EBF4: variants seen among roughly 807,000 people sequenced by gnomAD.
EBF4 encodes the protein transcription factor COE4.
EBF4 carries 34 observed loss-of-function variants against 67.1 expected under a neutral mutation model. That is an observed-to-expected ratio of 0.51 (90% CI 0.39 to 0.67). The LOEUF is 0.67. Among genes scored for constraint, EBF4 ranks in the 30% least tolerant of loss-of-function variants. The probability of loss-of-function intolerance (pLI) is 0.00; values close to 1 mark genes in which losing one functional copy is unlikely to be tolerated. For synonymous variants in EBF4, 387 were observed against 377.7 expected (o/e 1.02, Z -0.29); for missense variants, 837 against 873.3 (o/e 0.96, Z 0.52).
chr20:2,748,360 T>G (rs945262830), intron 6 of EBF4, among the ~76,000 whole-genome samples, 189 bp from the exon 7 acceptor site: 2 of 152,114 alleles, frequency 1.3e-5, no homozygotes, highest in African/African-American at 4.8e-5. Context: ...GTCATTGTGA[T>G]GGGTCTGTCT....
At position 2,751,541 on chromosome 20, in the gene EBF4, G is replaced by T. The variant is rs1600243965; in HGVS notation, c.1019-159G>T. The T allele has an allele frequency of 3.0e-6, 2 of 661,926 alleles. No homozygotes were observed. Among genetic ancestry groups the T allele is most frequent in the Admixed American group, 2.9e-5 (1 of 34,716 alleles). The allele number at this position is 661,926 out of a possible 1,614,324, so 41.0% of individuals were successfully genotyped here. On this transcript the variant is annotated intron_variant, in intron 10 of 16. Coordinates refer to ENST00000609451, the Ensembl canonical transcript of EBF4. The surrounding 1 kb of genome is among the most constrained non-coding windows in gnomAD (Gnocchi z 5.2). ...ACTTCCCTGAATCTCGCTGCCGGGG[G>T]TGCCTGGAGTTTTCCGGGGGACTTG...
At chr20:2,724,748 T>C (rs2087726843) in intron 6 of EBF4, among the ~76,000 whole-genome samples, 2 of 151,920 alleles carry the variant, frequency 1.3e-5, no homozygotes. Flanking sequence ...CTACAAAAAT[T>C]AAAAAATTAG....
At chr20:2,736,707 C>G (rs796894907) in intron 6 of EBF4, among the ~76,000 whole-genome samples, 6 of 152,312 alleles carry the variant, frequency 3.9e-5, no homozygotes, top group African/African-American at 1.2e-4. Context: ...CCCATTCCCC[C>G]CAACCCCCAC....
chr20:2,704,542 C>T (rs2146380289), intron 1 of EBF4, among the ~76,000 whole-genome samples: 1 of 152,338 alleles, frequency 6.6e-6, no homozygotes, highest in Middle Eastern at 3.4e-3. Context: ...CCAGCCATTC[C>T]TTGTGCTGTT....
Position 2,706,200 on chromosome 20 carries a change from C to G in EBF4, c.359-9C>G. The G allele has an allele frequency of 6.4e-7, 1 of 1,552,136 alleles. No homozygotes were observed. Among genetic ancestry groups the G allele is most frequent in the Non-Finnish European group, 8.7e-7 (1 of 1,147,092 alleles). ...CCAGCAGCAAGCCCTCTCCATCTTC[C>G]CATCCTAGGACTGCGGACAGAGCAA... is the stretch of plus-strand genomic sequence containing the variant. On this transcript the variant is annotated splice_polypyrimidine_tract_variant and intron_variant, in intron 3 of 16. Coordinates refer to ENST00000609451, the Ensembl canonical transcript of EBF4.
Position 2,755,909 on chromosome 20 carries a change from T to C in EBF4, c.1738+85T>C, listed in dbSNP as rs1396071490. ...GCTACAGGGGCCTGCTCTGTCCACA[T>C]CTCACCAGTGCCTCATGCTGGCTAA... is the stretch of plus-strand genomic sequence containing the variant. On this transcript the variant is annotated intron_variant, in intron 15 of 16. Transcript: ENST00000609451. The surrounding 1 kb of genome is among the most constrained non-coding windows in gnomAD (Gnocchi z 4.7). The C allele has an allele frequency of 7.8e-7, 1 of 1,283,776 alleles. No individual in the cohort carries two copies. Among genetic ancestry groups the C allele is most frequent in the Non-Finnish European group, 1.1e-6 (1 of 943,528 alleles). 79.5% of individuals were successfully genotyped at this position (1,283,776 alleles called of 1,614,324 possible).
At chr20:2,737,705 T>C (rs2087908435) in intron 6 of EBF4, among the ~76,000 whole-genome samples, 1 of 151,722 alleles carries the variant, frequency 6.6e-6, no homozygotes, top group South Asian at 2.1e-4. Flanking sequence ...GCGCAGTGGC[T>C]CACACCTGTA....
At chr20:2,753,897 A>T (rs1158274145) in intron 14 of EBF4, among the ~76,000 whole-genome samples, 1 of 151,908 alleles carries the variant, frequency 6.6e-6, no homozygotes, top group African/African-American at 2.4e-5. Context: ...TGCTCAGGCC[A>T]GGATTGACTG....
chr20:2,738,383 C>G (rs2087920122), intron 6 of EBF4, among the ~76,000 whole-genome samples: 1 of 152,134 alleles, frequency 6.6e-6, no homozygotes, highest in Non-Finnish European at 1.5e-5. Context: ...CCCATCCCCC[C>G]TCCTCCCTCC....
chr20:2,714,567 G>A (rs950748838), intron 6 of EBF4, among the ~76,000 whole-genome samples: 1 of 152,200 alleles, frequency 6.6e-6, no homozygotes, highest in Non-Finnish European at 1.5e-5. Flanking sequence ...GCCCAGGCTG[G>A]TCTCGAGCTC....
intron 10 of EBF4, among the ~76,000 whole-genome samples, chr20:2,750,514 C>A (rs991328401): frequency 6.6e-6 from 1 of 151,996 alleles, no homozygotes; most frequent in African/African-American, 2.4e-5. Context: ...CAGCCTGGCT[C>A]TATTTGGCCG....
intron 6 of EBF4, among the ~76,000 whole-genome samples, chr20:2,727,497 G>A (rs1197854660): frequency 6.6e-6 from 1 of 152,168 alleles, no homozygotes; most frequent in Non-Finnish European, 1.5e-5. Context: ...TTTGAATACT[G>A]TATTTTTTAA....
At chr20:2,749,552 G>C (rs1004055121) in intron 8 of EBF4, 34 bp downstream of exon 8, 1 of 1,537,562 alleles carries the variant, frequency 6.5e-7, no homozygotes, top group Admixed American at 2.0e-5. Flanking sequence ...GGCCGCCGCG[G>C]GCCCAGCCAG....
At chr20:2,731,793 A>C (rs1010602739) in intron 6 of EBF4, among the ~76,000 whole-genome samples, 4 of 152,208 alleles carry the variant, frequency 2.6e-5, no homozygotes, top group Non-Finnish European at 4.4e-5. Context: ...CACAGAATCC[A>C]GGCCTCCATC....
At chr20:2,729,930 G>C (rs2087791882) in intron 6 of EBF4, among the ~76,000 whole-genome samples, 2 of 152,180 alleles carry the variant, frequency 1.3e-5, no homozygotes, top group Admixed American at 6.5e-5. Context: ...CCAACCTCCA[G>C]CCTCAGAGCC....
intron 6 of EBF4, among the ~76,000 whole-genome samples, chr20:2,710,431 T>C (rs1336673565): frequency 6.6e-6 from 1 of 152,150 alleles, no homozygotes; most frequent in Non-Finnish European, 1.5e-5. Flanking sequence ...ATTACAAACA[T>C]GAGCCACTGT....
rs183507380 is a variant in EBF4, at chr20:2,714,816, G to A, written c.557+5174G>A. Reference sequence around the variant, plus strand: ...GTTCCTAAATCTTTTACATACTCCGGGTTTTCATTATATTTAGAAAGGCCT... The same window carrying A: ...GTTCCTAAATCTTTTACATACTCCGAGTTTTCATTATATTTAGAAAGGCCT... On this transcript the variant is annotated intron_variant, in intron 6 of 16. Transcript: ENST00000609451. 1.8e-3 allele frequency among the ~76,000 whole-genome samples: 275 copies of A among 152,010 alleles called. 5 individuals are homozygous for A. In the South Asian group the frequency reaches 0.025, roughly 14 times the overall value.
intron 6 of EBF4, among the ~76,000 whole-genome samples, chr20:2,714,874 C>A (rs1004065332): frequency 1.3e-5 from 2 of 151,980 alleles, no homozygotes; most frequent in African/African-American, 4.8e-5. Context: ...TAAATGTATC[C>A]TGTGGTTGCT....
At chr20:2,737,296 G>A (rs1033910031) in intron 6 of EBF4, among the ~76,000 whole-genome samples, 4 of 151,934 alleles carry the variant, frequency 2.6e-5, no homozygotes, top group Admixed American at 2.0e-4. Context: ...GGAAGAGGGG[G>A]ACCGCAGGCA....
Sources: allele counts gnomAD v4.1 joint callset (sites outside exome capture counted in the v4.1 genomes callset), GRCh38; gene constraint gnomAD v4.1.1; non-coding constraint Gnocchi (gnomAD v3.1); transcripts MANE v1.5; gene names NCBI Gene and HGNC (gene_info 2026-07-23, HGNC 2026-07-21).